The following GABRB1 variants were observed in gnomAD, a reference collection of about 807,000 sequenced individuals.
The protein encoded by GABRB1 is gamma-aminobutyric acid type A receptor subunit beta1.
A neutral mutation model predicts 51.6 loss-of-function variants in GABRB1; 17 were observed. That is an observed-to-expected ratio of 0.33 (90% CI 0.23 to 0.49). The LOEUF (loss-of-function observed/expected upper bound fraction) is 0.49, where lower values mean the gene tolerates loss of function less well. Ranked by LOEUF, GABRB1 falls within the 20% of genes least tolerant of loss-of-function variation. The probability of loss-of-function intolerance (pLI) is 0.99; values close to 1 mark genes in which losing one functional copy is unlikely to be tolerated. For missense variants in GABRB1, 410 were observed against 600.6 expected, an observed-to-expected ratio of 0.68 and a Z score of 3.32; for synonymous variants, 247 against 218.9, an observed-to-expected ratio of 1.13 and a Z score of -1.14.
chr4:47,233,484 A>G (rs1721219544), intron 4 of GABRB1, among the ~76,000 whole-genome samples: 1 of 152,060 alleles, frequency 6.6e-6, no homozygotes, highest in Non-Finnish European at 1.5e-5. Flanking sequence ...CTCATATCCA[A>G]GCCTTTTTGG....
intron 3 of GABRB1, among the ~76,000 whole-genome samples, chr4:47,112,907 T>C (rs1252095859): frequency 6.6e-6 from 1 of 152,172 alleles, no homozygotes; most frequent in Non-Finnish European, 1.5e-5. Flanking sequence ...AAACCCTATC[T>C]CTAAATCTAT....
intron 3 of GABRB1, among the ~76,000 whole-genome samples, chr4:47,127,677 T>G (rs1416795155): frequency 6.6e-6 from 1 of 151,858 alleles, no homozygotes; most frequent in Non-Finnish European, 1.5e-5. Flanking sequence ...TAGACTAAAC[T>G]CTTTTGTTTC....
At chr4:47,251,142 C>T (rs934575741) in intron 4 of GABRB1, among the ~76,000 whole-genome samples, 4 of 152,220 alleles carry the variant, frequency 2.6e-5, no homozygotes, top group African/African-American at 9.6e-5. Context: ...TAGGGTGTTC[C>T]CTTGATGCAG....
intron 5 of GABRB1, among the ~76,000 whole-genome samples, chr4:47,401,831 T>G (rs758344037): frequency 8.3e-5 from 3 of 36,264 alleles, no homozygotes; most frequent in South Asian, 6.2e-4. Flanking sequence ...TAGCTATCTA[T>G]CTATCTATCA....
chr4:47,351,376 C>G (rs1726324379), intron 5 of GABRB1, among the ~76,000 whole-genome samples: 3 of 152,060 alleles, frequency 2.0e-5, no homozygotes, highest in Admixed American at 2.0e-4. Flanking sequence ...TTGTTCATTC[C>G]ATTGTTTTTA....
intron 3 of GABRB1, among the ~76,000 whole-genome samples, chr4:47,137,952 G>A (rs977776074): frequency 3.3e-5 from 5 of 152,086 alleles, no homozygotes; most frequent in African/African-American, 1.2e-4. Flanking sequence ...AAATATTAAT[G>A]TATACCCATG....
At chr4:47,352,120 T>C (rs1205531778) in intron 5 of GABRB1, among the ~76,000 whole-genome samples, 2 of 152,206 alleles carry the variant, frequency 1.3e-5, no homozygotes, top group African/African-American at 2.4e-5. Flanking sequence ...TGTGAGATGG[T>C]ATCTCATCGT....
At chr4:47,140,186 C>T (rs1472822850) in intron 3 of GABRB1, among the ~76,000 whole-genome samples, 1 of 151,078 alleles carries the variant, frequency 6.6e-6, no homozygotes, top group Admixed American at 6.6e-5. Context: ...AGGGGAAGCA[C>T]AAATCCTGTG....
At chr4:47,366,740 T>C (rs1425253427) in intron 5 of GABRB1, among the ~76,000 whole-genome samples, 1 of 152,222 alleles carries the variant, frequency 6.6e-6, no homozygotes, top group Non-Finnish European at 1.5e-5. Context: ...TTTCATGAGA[T>C]GACATTCGTA....
chr4:47,366,441 G>C (rs531342943), intron 5 of GABRB1, among the ~76,000 whole-genome samples: 1 of 152,114 alleles, frequency 6.6e-6, no homozygotes, highest in Admixed American at 6.5e-5. Context: ...ACTGCAGCCA[G>C]ATACATTTCT....
chr4:47,424,723 G>A (rs1454922359), intron 8 of GABRB1, among the ~76,000 whole-genome samples: 10 of 152,128 alleles, frequency 6.6e-5, no homozygotes, highest in East Asian at 3.8e-4. Flanking sequence ...TTTCACATAT[G>A]AGCCATGTCC....
chr4:47,113,033 T>A (rs377043409), intron 3 of GABRB1, among the ~76,000 whole-genome samples: 1 of 152,026 alleles, frequency 6.6e-6, no homozygotes, highest in East Asian at 1.9e-4. Context: ...GAAGGTTGGA[T>A]GGGAAAGGTA....
In GABRB1 at chr4:47,161,395, A is replaced by G. The variant is rs1379762700; in HGVS notation, c.387A>G (p.Ser129=). 2 of 1,612,848 alleles carry G rather than the reference A, an allele frequency of 1.2e-6. No individual in the cohort carries two copies. Residue 129 remains serine, a synonymous_variant, in exon 4 of 9, where the codon TCA becomes TCG. Coordinates refer to ENST00000295454, the MANE Select transcript of GABRB1 (RefSeq NM_000812.4). ...PDTYFLNDKK[S]FVHGVTVKNR... The stretch of plus-strand genomic sequence containing the variant: ...CCTACTTTCTGAATGACAAGAAATC[A>G]TTTGTGCATGGGGTCACAGTGAAAA...
At chr4:47,069,615 A>G (rs557088359) in intron 3 of GABRB1, among the ~76,000 whole-genome samples, 1 of 152,146 alleles carries the variant, frequency 6.6e-6, no homozygotes, top group African/African-American at 2.4e-5. Context: ...TCTCAGTGCT[A>G]CTCCTAAAAC....
intron 4 of GABRB1, among the ~76,000 whole-genome samples, chr4:47,316,051 T>TG (rs60942892): frequency 0.97 from 147,296 of 151,866 alleles, 71,531 homozygotes; most frequent in East Asian, 1. Flanking sequence ...AACTTAAAAA[T>TG]TATATAATAA....
intron 3 of GABRB1, among the ~76,000 whole-genome samples, chr4:47,094,147 G>T (rs768750269): frequency 6.6e-6 from 1 of 151,474 alleles, no homozygotes; most frequent in South Asian, 2.1e-4. Context: ...TGGAAAAAAC[G>T]GTAGGGAACA....
chr4:47,396,982 C>A (rs1209032306), intron 5 of GABRB1, among the ~76,000 whole-genome samples: 2 of 151,888 alleles, frequency 1.3e-5, no homozygotes, highest in Non-Finnish European at 2.9e-5. Context: ...TTACTATATT[C>A]TCATTAAGGT....
At chr4:47,203,070 A>C (rs1719953078) in intron 4 of GABRB1, among the ~76,000 whole-genome samples, 1 of 152,172 alleles carries the variant, frequency 6.6e-6, no homozygotes, top group Admixed American at 6.5e-5. Flanking sequence ...TCTGAGGAAA[A>C]GTGCTGGCCC....
intron 4 of GABRB1, among the ~76,000 whole-genome samples, chr4:47,218,543 G>C (rs1404525712): frequency 6.6e-6 from 1 of 151,826 alleles, no homozygotes; most frequent in Non-Finnish European, 1.5e-5. Flanking sequence ...GGGGTGAGAT[G>C]ATATCTCATT....
Sources: gnomAD v4.1 joint callset for allele counts (sites outside exome capture counted in the v4.1 genomes callset) on GRCh38, gnomAD v4.1.1 for gene constraint, MANE v1.5 for transcripts, NCBI Gene and HGNC (gene_info 2026-07-23, HGNC 2026-07-21) for gene names.